The following PPFIA3 variants were observed in gnomAD, a reference collection of about 807,000 sequenced individuals.
PPFIA3 encodes PPFI scaffold protein A3.
Under a neutral mutation model 145.8 loss-of-function variants are expected in PPFIA3, and 26 were observed. The ratio of observed to expected loss-of-function variants is 0.18; its 90% CI spans 0.13 to 0.25. The LOEUF is 0.25. PPFIA3 is among the 10% of genes least tolerant of loss of function. PPFIA3 has a pLI of 1.00. For synonymous variants in PPFIA3, 645 were observed against 661.4 expected (o/e 0.98, Z 0.38); for missense variants, 1,008 against 1,587.8 (o/e 0.63, Z 6.21).
intron 21 of PPFIA3, 79 bp from the exon 22 acceptor site, chr19:49,145,864 G>A (rs1482662283): frequency 3.1e-6 from 4 of 1,280,684 alleles, no homozygotes; most frequent in Non-Finnish European, 4.6e-6. Flanking sequence ...GTGGCCCAGG[G>A]CCTTCAGGAG....
Position 49,134,105 on chromosome 19 carries a change from C to A in PPFIA3, c.1317C>A (p.Ser439Arg). The change falls in exon 11 of 30, where the codon AGC becomes AGA. Residue 439 changes from serine (S) to arginine (R), a missense_variant. Physicochemically the swap from Ser to Arg is moderately radical, Grantham distance 110. This residue lies in a region of PPFIA3 where 109 missense variants were observed against 198.1 expected (regional missense o/e 0.55). Coordinates refer to ENST00000334186, the MANE Select transcript of PPFIA3 (RefSeq NM_003660.4). ...RLSETVDKLL[S>R]ESNERLQLHL... is the part of the protein sequence containing the mutation. The stretch of plus-strand genomic sequence containing the variant: ...CCGAGACGGTGGACAAGCTGCTGAG[C>A]GAGTCCAACGAGCGCTTACAGCTTC... 6.2e-7 allele frequency: 1 copy of A among 1,613,858 alleles called. No individual in the cohort carries two copies. Among genetic ancestry groups the A allele is most frequent in the African/African-American group, 1.3e-5 (1 of 75,012 alleles).
chr19:49,134,561 G>A, intron 11 of PPFIA3, 78 bp from the exon 12 acceptor site: 1 of 1,348,716 alleles, frequency 7.4e-7, no homozygotes, highest in Non-Finnish European at 1.1e-6. Context: ...GCCTGTCTGT[G>A]TGCACTGGGA....
chr19:49,143,134 T>C (rs933803599), intron 21 of PPFIA3, 130 bp downstream of exon 21: 1 of 1,073,500 alleles, frequency 9.3e-7, no homozygotes, highest in Admixed American at 2.2e-5. Context: ...TTTACCCCCC[T>C]CAGCCTCCCC....
intron 23 of PPFIA3, among the ~76,000 whole-genome samples, chr19:49,147,511 C>T (rs539672909): frequency 1.5e-3 from 228 of 152,138 alleles, no homozygotes; most frequent in African/African-American, 5.3e-3. Context: ...CATGGTGAAA[C>T]GCCGTCTCTA....
intron 24 of PPFIA3, 106 bp downstream of exon 24, chr19:49,148,364 CT>C: frequency 1.6e-6 from 2 of 1,276,988 alleles, no homozygotes; most frequent in Non-Finnish European, 2.1e-6. Context: ...TATCTTGGCC[CT>C]TTTAGCCTGA....
intron 1 of PPFIA3, among the ~76,000 whole-genome samples, chr19:49,126,974 G>A (rs968955601): frequency 7.3e-5 from 11 of 151,042 alleles, no homozygotes; most frequent in African/African-American, 2.7e-4. Context: ...TCTCACCCAG[G>A]TAGCCAGGAC....
At chr19:49,137,028 T>C (rs990243002) in intron 15 of PPFIA3, 117 bp downstream of exon 15, 6 of 1,038,528 alleles carry the variant, frequency 5.8e-6, no homozygotes, top group Non-Finnish European at 6.7e-6. Flanking sequence ...CCACAAGGAA[T>C]TCTTCCAGCC....
chr19:49,133,038 C>T lies in PPFIA3; in HGVS notation c.917C>T (p.Thr306Ile), dbSNP rs766292027. The T allele has an allele frequency of 9.3e-6, 15 of 1,612,696 alleles. No homozygotes were observed. Among genetic ancestry groups the T allele is most frequent in the Non-Finnish European group, 1.3e-5 (15 of 1,179,920 alleles). The change falls in exon 8 of 30, where the codon ACA becomes ATA. Residue 306 changes from threonine (T) to isoleucine (I), a missense_variant. Transcript: ENST00000334186. The surrounding 1 kb of genome is among the most constrained non-coding windows in gnomAD (Gnocchi z 7.2). Reference protein sequence around the residue: ...AQREDMEERITTLEKRYLSAQ... With the variant: ...AQREDMEERIITLEKRYLSAQ... ...CGGGAAGATATGGAGGAGCGGATTA[C>T]AACACTGGAGAAGCGCTACCTGAGC...
In PPFIA3 at chr19:49,149,178, C is replaced by T; in HGVS notation, c.3285+10C>T. The T allele has an allele frequency of 2.5e-6, 4 of 1,613,816 alleles. No homozygotes were observed. The highest frequency in any genetic ancestry group is 3.4e-6 in the Non-Finnish European group (4 of 1,179,864). ...CACGCAGAATGCACAGGTGAGCTGC[C>T]GCTGGGCCCGGAGCATGCTGGGCGT... is the stretch of plus-strand genomic sequence containing the variant. On this transcript the variant is annotated intron_variant, in intron 26 of 29. Transcript: ENST00000334186. This position sits in a 1 kb window ranked among gnomAD's most constrained non-coding sequence, Gnocchi z 5.7.
chr19:49,137,658 A>AAAAAAAAG (rs2041157099), intron 15 of PPFIA3, among the ~76,000 whole-genome samples: 1 of 122,260 alleles, frequency 8.2e-6, no homozygotes, highest in Non-Finnish European at 1.7e-5. Context: ...AAAAAAAAAA[A>AAAAAAAAG]GTCCCCAACT....
chr19:49,126,629 A>T (rs1266796576), intron 1 of PPFIA3, among the ~76,000 whole-genome samples: 2 of 144,672 alleles, frequency 1.4e-5, no homozygotes, highest in Non-Finnish European at 3.0e-5. Context: ...GCCGGGGTCC[A>T]GATTTCTGGG....
rs1484409053 is a variant in PPFIA3, at chr19:49,139,755, G to T, written c.2164G>T (p.Ala722Ser). 1.9e-6 allele frequency: 3 copies of T among 1,614,020 alleles called. No individual in the cohort carries two copies. Among genetic ancestry groups the T allele is most frequent in the Non-Finnish European group, 2.5e-6 (3 of 1,179,934 alleles). Residue 722 changes from alanine to serine, a missense_variant, in exon 17 of 30, where the codon GCC becomes TCC. By Grantham distance (99) the Ala-to-Ser change is moderately conservative. This residue lies in a region of PPFIA3 where 202 missense variants were observed against 241.8 expected (regional missense o/e 0.84). Coordinates refer to ENST00000334186, the MANE Select transcript of PPFIA3 (RefSeq NM_003660.4). ...CACCCCACCACCCACTCCCCGCTCTGCCCGTCTTGAGAGAATGACCCAGGC... is the reference window on the plus strand; with the variant it reads ...CACCCCACCACCCACTCCCCGCTCTTCCCGTCTTGAGAGAATGACCCAGGC... ...GDTPPPTPRSARLERMTQALA... is the reference protein window; with the variant it reads ...GDTPPPTPRSSRLERMTQALA...
chr19:49,125,324 TG>T, intron 1 of PPFIA3: 1 of 152,426 alleles, frequency 6.6e-6, no homozygotes, highest in East Asian at 1.9e-4. Context: ...TGGGCGGGGC[TG>T]GGAATTATCC....
chr19:49,142,204 C>T, intron 20 of PPFIA3, 89 bp downstream of exon 20: 1 of 1,273,572 alleles, frequency 7.9e-7, no homozygotes, highest in Non-Finnish European at 1.1e-6. Flanking sequence ...CCTGGCGCAC[C>T]CTGCTTCTAG....
Position 49,138,324 on chromosome 19 carries a change from C to G in PPFIA3, c.1973C>G (p.Ser658Cys), listed in dbSNP as rs778573081. ...CGCAGCAGCTGCTCCCTGCCCCCCT[C>G]CCTCACCACCTCTACCCTTGCCAGC... ...RYRSSCSLPP[S>C]LTTSTLASPS... Residue 658 changes from serine to cysteine, a missense_variant, in exon 16 of 30, where the codon TCC becomes TGC. By Grantham distance (112) the Ser-to-Cys change is moderately radical. Around this residue, in one of 11 missense-constraint regions of PPFIA3, gnomAD observed 202 missense variants for 241.8 expected, o/e 0.84. Coordinates refer to ENST00000334186, the MANE Select transcript of PPFIA3 (RefSeq NM_003660.4). 4.3e-6 allele frequency: 7 copies of G among 1,612,594 alleles called. No homozygotes were observed. The South Asian group carries it at 7.7e-5, about 18-fold the overall frequency.
intron 23 of PPFIA3, among the ~76,000 whole-genome samples, chr19:49,147,700 G>GAGAGAC (rs2041296766): frequency 6.8e-6 from 1 of 146,642 alleles, no homozygotes; most frequent in Non-Finnish European, 1.5e-5. Context: ...GAGAGAGAGA[G>GAGAGAC]AGAGAGAGAG....
At chr19:49,121,852 G>T (rs1431818032) in intron 1 of PPFIA3, among the ~76,000 whole-genome samples, 1 of 151,788 alleles carries the variant, frequency 6.6e-6, no homozygotes, top group East Asian at 1.9e-4. Flanking sequence ...GCCCAGACTG[G>T]TCTGAAACTC....
At chr19:49,144,168 G>A (rs1568441070) in intron 21 of PPFIA3, among the ~76,000 whole-genome samples, 2 of 151,778 alleles carry the variant, frequency 1.3e-5, no homozygotes. Context: ...CCACCACCAC[G>A]CCCTGCTAAT....
chr19:49,148,968 G>A (rs756208317), intron 25 of PPFIA3, 25 bp from the exon 26 acceptor site: 1 of 1,609,946 alleles, frequency 6.2e-7, no homozygotes, highest in Non-Finnish European at 8.5e-7. Flanking sequence ...GGAGGGGCAC[G>A]GCTGAGGGTC....
Sources: allele counts gnomAD v4.1 joint callset (sites outside exome capture counted in the v4.1 genomes callset), GRCh38; gene constraint gnomAD v4.1.1; regional missense constraint gnomAD v4.1.1; non-coding constraint Gnocchi (gnomAD v3.1); transcripts MANE v1.5; gene names NCBI Gene and HGNC (gene_info 2026-07-23, HGNC 2026-07-21).